NAV1: variants seen among roughly 807,000 people sequenced by gnomAD.
NAV1 encodes the protein neuron navigator 1, also known as pore membrane and/or filament interacting like protein 3.
In NAV1, 18 loss-of-function variants were observed where a neutral mutation model predicts 175.2. That is an observed-to-expected ratio of 0.10 (90% CI 0.07 to 0.15). NAV1 has a LOEUF of 0.15. NAV1 is among the 10% of genes least tolerant of loss of function. The pLI is 1.00. For missense variants in NAV1, 1,731 were observed against 2,436.6 expected (o/e 0.71, Z 6.10); for synonymous variants, 897 against 978.7 (o/e 0.92, Z 1.56).
chr1:201,621,329 T>C (rs1174126592), upstream of NAV1, among the ~76,000 whole-genome samples: 2 of 145,970 alleles, frequency 1.4e-5, no homozygotes, highest in African/African-American at 5.2e-5. Context: ...TTTTCTTTTC[T>C]TTCTTTTTTT....
exon 29 of NAV1, chr1:201,817,164 A>G: frequency 6.2e-7 from 1 of 1,614,124 alleles, no homozygotes; most frequent in South Asian, 1.1e-5. Flanking sequence ...TCAGCCCAAC[A>G]AGACCAATCA....
intron 3 of NAV1, among the ~76,000 whole-genome samples, chr1:201,722,864 G>T (rs1208614596): frequency 4.6e-5 from 7 of 152,232 alleles, no homozygotes; most frequent in Admixed American, 4.6e-4. Context: ...CCAGCACTTT[G>T]GGAGGCTGGG....
chr1:201,715,425 G>A (rs541361924), intron 2 of NAV1, among the ~76,000 whole-genome samples: 11 of 152,342 alleles, frequency 7.2e-5, no homozygotes, highest in African/African-American at 2.6e-4. Flanking sequence ...CACCCAAAGT[G>A]CTGGGATTAC....
At chr1:201,556,583 A>G (rs1406987956) in intron 1 of NAV1, among the ~76,000 whole-genome samples, 4 of 152,138 alleles carry the variant, frequency 2.6e-5, no homozygotes, top group Non-Finnish European at 1.5e-5. Context: ...GAATTAAGTC[A>G]GGCAAAGACT....
At chr1:201,606,446 T>G (rs763161100) in intron 2 of NAV1, among the ~76,000 whole-genome samples, 22 of 152,206 alleles carry the variant, frequency 1.4e-4, no homozygotes, top group Non-Finnish European at 2.9e-5. Context: ...CCATGTGAAC[T>G]GTGAGGCTGT....
intron 1 of NAV1, among the ~76,000 whole-genome samples, chr1:201,663,193 C>G (rs990557684): frequency 3.9e-5 from 6 of 152,224 alleles, no homozygotes; most frequent in African/African-American, 1.4e-4. Context: ...GAGAAGAAAA[C>G]ATTCTCCAGA....
intron 3 of NAV1, among the ~76,000 whole-genome samples, chr1:201,761,268 G>T (rs1674824311): frequency 6.6e-6 from 1 of 152,194 alleles, no homozygotes; most frequent in Non-Finnish European, 1.5e-5. Context: ...ATGATACAAA[G>T]AAGTCAAAAA....
At chr1:201,735,618 CA>C (rs1370930034) in intron 3 of NAV1, among the ~76,000 whole-genome samples, 1 of 152,206 alleles carries the variant, frequency 6.6e-6, no homozygotes, top group Non-Finnish European at 1.5e-5. Flanking sequence ...CAAACAAGGC[CA>C]CTCTATTATT....
At chr1:201,809,849 C>T in intron 22 of NAV1, 97 bp from the exon 27 acceptor site, 1 of 1,193,986 alleles carries the variant, frequency 8.4e-7, no homozygotes, top group South Asian at 1.4e-5. Flanking sequence ...TGCACTTTCT[C>T]CATCTATTTC....
At chr1:201,733,280 T>G (rs1672947602) in intron 3 of NAV1, 1 of 151,870 alleles carries the variant, frequency 6.6e-6, no homozygotes, top group Non-Finnish European at 1.5e-5. Context: ...CTTGGGAGGC[T>G]GAGGCAGGAG....
chr1:201,648,383 C>T (rs1669051751), exon 1 of NAV1: 4 of 1,227,996 alleles, frequency 3.3e-6, no homozygotes, highest in East Asian at 3.2e-5. Flanking sequence ...GTATTTTCCC[C>T]GCCGCCCCGC....
intron 2 of NAV1, among the ~76,000 whole-genome samples, chr1:201,642,106 C>T (rs943818243): frequency 6.9e-6 from 1 of 145,812 alleles, no homozygotes; most frequent in Non-Finnish European, 1.5e-5. Context: ...TTCCCTTCCT[C>T]TTTCTTTCTT....
chr1:201,780,540 G>A (rs745988886), exon 4 of NAV1: 6 of 1,614,080 alleles, frequency 3.7e-6, no homozygotes, highest in East Asian at 2.2e-5. Context: ...ACTGCTTCTC[G>A]CAGGAACTCA....
chr1:201,776,841 C>T (rs182585193), intron 3 of NAV1, among the ~76,000 whole-genome samples: 68 of 150,898 alleles, frequency 4.5e-4, no homozygotes, highest in Middle Eastern at 3.4e-3. Context: ...TCAAAGCATC[C>T]GGTAAAGTAC....
intron 1 of NAV1, among the ~76,000 whole-genome samples, chr1:201,565,043 G>C (rs962887825): frequency 6.6e-6 from 1 of 152,192 alleles, no homozygotes. Context: ...AATCACATCT[G>C]TGAAGATCCT....
intron 2 of NAV1, among the ~76,000 whole-genome samples, chr1:201,616,322 G>A (rs574400219): frequency 1.3e-4 from 20 of 152,050 alleles, no homozygotes; most frequent in Non-Finnish European, 2.5e-4. Flanking sequence ...GGGCACTGAC[G>A]GATAGACCCA....
intron 2 of NAV1, among the ~76,000 whole-genome samples, chr1:201,631,224 C>T (rs1256934939): frequency 3.3e-5 from 5 of 152,166 alleles, no homozygotes; most frequent in Non-Finnish European, 5.9e-5. Flanking sequence ...CCATCTCTGC[C>T]GAGGATACGC....
intron 1 of NAV1, among the ~76,000 whole-genome samples, chr1:201,651,204 G>A (rs78525299): frequency 0.011 from 1,595 of 150,802 alleles, 21 homozygotes; most frequent in African/African-American, 0.036. Context: ...AGGGAGTATC[G>A]GGGCACAGAA....
intron 3 of NAV1, among the ~76,000 whole-genome samples, chr1:201,747,585 C>T (rs1489190846): frequency 6.6e-6 from 1 of 152,086 alleles, no homozygotes; most frequent in Non-Finnish European, 1.5e-5. Flanking sequence ...GACCCTGCTC[C>T]TATTTATTCC....
Sources: allele counts gnomAD v4.1 joint callset (sites outside exome capture counted in the v4.1 genomes callset), GRCh38; gene constraint gnomAD v4.1.1; transcripts MANE v1.5; gene names NCBI Gene and HGNC (gene_info 2026-07-23, HGNC 2026-07-21).